RIMS1: variants seen among roughly 807,000 people sequenced by gnomAD.
The protein encoded by RIMS1 is regulating synaptic membrane exocytosis 1.
RIMS1 carries 83 observed loss-of-function variants against 214.1 expected under a neutral mutation model. The ratio of observed to expected loss-of-function variants is 0.39; its 90% CI spans 0.32 to 0.47. The LOEUF (loss-of-function observed/expected upper bound fraction) is 0.47. RIMS1 is among the 20% of genes least tolerant of loss of function. RIMS1 has a pLI of 0.99. For missense variants in RIMS1, 2,050 were observed against 2,161.8 expected (o/e 0.95, Z 1.03); for synonymous variants, 793 against 786.8 (o/e 1.01, Z -0.13).
chr6:72,024,900 G>GTTTTTTTTTTTTTTTTTTTTTTT (rs777214787), intron 2 of RIMS1, among the ~76,000 whole-genome samples: 13 of 98,664 alleles, frequency 1.3e-4, no homozygotes, highest in African/African-American at 4.9e-4. Flanking sequence ...AAATCTGTGG[G>GTTTTTTTTTTTTTTTTTTTTTTT]TTTTTTTTTT....
At chr6:72,122,586 G>C (rs1488900906) in intron 4 of RIMS1, among the ~76,000 whole-genome samples, 1 of 151,738 alleles carries the variant, frequency 6.6e-6, no homozygotes, top group East Asian at 1.9e-4. Context: ...GTGGAATTTG[G>C]CTGTGAATTT....
At chr6:72,042,384 A>AT (rs1821694021) in intron 2 of RIMS1, among the ~76,000 whole-genome samples, 1 of 151,842 alleles carries the variant, frequency 6.6e-6, no homozygotes, top group African/African-American at 2.4e-5. Context: ...ACTTACAAAG[A>AT]TTTTTTAAGA....
chr6:71,947,840 A>T (rs1222370734), intron 1 of RIMS1, among the ~76,000 whole-genome samples: 1 of 151,694 alleles, frequency 6.6e-6, no homozygotes, highest in Non-Finnish European at 1.5e-5. Flanking sequence ...AACAAAATAC[A>T]AACATATACA....
At chr6:72,373,815 G>T (rs182902526) in intron 29 of RIMS1, among the ~76,000 whole-genome samples, 1 of 151,976 alleles carries the variant, frequency 6.6e-6, no homozygotes, top group Admixed American at 6.6e-5. Context: ...TTCTTCACCA[G>T]TATACTTTTT....
chr6:72,321,365 A>G (rs901283008), intron 28 of RIMS1, among the ~76,000 whole-genome samples: 3 of 152,082 alleles, frequency 2.0e-5, no homozygotes, highest in Admixed American at 6.6e-5. Context: ...CTGAGTATGT[A>G]TATCAGCTTT....
intron 6 of RIMS1, among the ~76,000 whole-genome samples, chr6:72,223,777 C>G (rs547079823): frequency 6.6e-6 from 1 of 151,820 alleles, no homozygotes; most frequent in Non-Finnish European, 1.5e-5. Context: ...GAAACTCTGT[C>G]TATACTAAAA....
At chr6:72,153,498 T>A (rs1414371257) in intron 4 of RIMS1, among the ~76,000 whole-genome samples, 2 of 152,226 alleles carry the variant, frequency 1.3e-5, no homozygotes, top group East Asian at 3.9e-4. Context: ...ATAAATTAAA[T>A]GTTTACATGG....
chr6:72,043,154 GCACACACACA>G lies in RIMS1; in HGVS notation c.246-53779_246-53770del, dbSNP rs61574291. Among the ~76,000 whole-genome samples, 3 of 148,230 alleles carry G rather than the reference GCACACACACA, an allele frequency of 2.0e-5. No homozygotes were observed. In the Admixed American group the frequency reaches 2.0e-4, roughly 10 times the overall value. On this transcript the variant is annotated intron_variant, in intron 2 of 33. Transcript: ENST00000521978. ...AATGCTATAGTCATAGAACTTGCAT[GCACACACACA>G]CACACACACACACACGCCTGCAAGA...
chr6:71,956,456 T>G (rs1454346371), intron 1 of RIMS1, among the ~76,000 whole-genome samples: 1 of 152,158 alleles, frequency 6.6e-6, no homozygotes, highest in Non-Finnish European at 1.5e-5. Flanking sequence ...CTGAGCTTCC[T>G]TTGATCCCTG....
Position 71,924,837 on chromosome 6 carries a change from G to A in RIMS1, c.164+37650G>A, listed in dbSNP as rs530462339. Among the ~76,000 whole-genome samples the A allele has an allele frequency of 6.4e-5, 9 of 140,720 alleles. 1 individual carries two copies. Among genetic ancestry groups the A allele is most frequent in the South Asian group, 2.4e-4 (1 of 4,210 alleles). The allele number at this position is 140,720 out of a possible 152,430, so 92.3% of individuals were successfully genotyped here. A position where few individuals can be genotyped will look rare whatever the true frequency, so the allele number is the denominator to read the frequency against. ...AAAAAAAAAAAAAAAAAAGATTTAA[G>A]TGTAAGAAAATATTGCTAAAAAATC... On this transcript the variant is annotated intron_variant, in intron 1 of 33. Coordinates refer to ENST00000521978, the MANE Select transcript of RIMS1 (RefSeq NM_014989.7).
intron 2 of RIMS1, among the ~76,000 whole-genome samples, chr6:72,077,890 G>A (rs1489212604): frequency 6.6e-6 from 1 of 152,142 alleles, no homozygotes; most frequent in Non-Finnish European, 1.5e-5. Flanking sequence ...ATGGACATTC[G>A]ACGAAACCCT....
At chr6:71,891,690 C>T (rs1465266340) in intron 1 of RIMS1, among the ~76,000 whole-genome samples, 1 of 152,084 alleles carries the variant, frequency 6.6e-6, no homozygotes, top group Non-Finnish European at 1.5e-5. Flanking sequence ...TAATATCTTA[C>T]ACCCCAAAAT....
intron 33 of RIMS1, among the ~76,000 whole-genome samples, chr6:72,400,180 A>G (rs967114454): frequency 6.6e-6 from 1 of 152,180 alleles, no homozygotes; most frequent in Non-Finnish European, 1.5e-5. Flanking sequence ...GTAGTTACAC[A>G]AGAAAGGTGT....
chr6:72,105,652 T>G (rs985851494), intron 4 of RIMS1, among the ~76,000 whole-genome samples: 1 of 152,154 alleles, frequency 6.6e-6, no homozygotes, highest in Non-Finnish European at 1.5e-5. Flanking sequence ...TTTAATAAAT[T>G]CAACTTAAAA....
chr6:72,217,355 G>A (rs2056602974), intron 6 of RIMS1: 6 of 923,558 alleles, frequency 6.5e-6, no homozygotes, highest in Middle Eastern at 6.8e-4. Flanking sequence ...TATCAGTAGA[G>A]AATAAGGATG....
At chr6:72,276,805 G>T (rs1212593239) in intron 23 of RIMS1, among the ~76,000 whole-genome samples, 1 of 152,068 alleles carries the variant, frequency 6.6e-6, no homozygotes, top group Non-Finnish European at 1.5e-5. Flanking sequence ...TCAACCACTT[G>T]GCAAATCGTA....
At chr6:71,994,943 T>C (rs1802932064) in intron 2 of RIMS1, among the ~76,000 whole-genome samples, 2 of 152,240 alleles carry the variant, frequency 1.3e-5, no homozygotes. Context: ...TTTGTTCTAG[T>C]CTTCAGCAAA....
intron 6 of RIMS1, among the ~76,000 whole-genome samples, chr6:72,225,356 A>G (rs1465489644): frequency 6.6e-6 from 1 of 152,136 alleles, no homozygotes; most frequent in Non-Finnish European, 1.5e-5. Flanking sequence ...CATTTATATC[A>G]CTAAAAGCAT....
At chr6:72,108,395 C>G (rs905094330) in intron 4 of RIMS1, among the ~76,000 whole-genome samples, 2 of 152,034 alleles carry the variant, frequency 1.3e-5, no homozygotes, top group African/African-American at 2.4e-5. Flanking sequence ...TTACCCAGTT[C>G]TATTGTTTTT....
Sources: allele counts gnomAD v4.1 joint callset (sites outside exome capture counted in the v4.1 genomes callset), GRCh38; gene constraint gnomAD v4.1.1; transcripts MANE v1.5; gene names NCBI Gene and HGNC (gene_info 2026-07-23, HGNC 2026-07-21).